Variants in SHC3 observed in about 807,000 individuals in gnomAD.
The protein encoded by SHC3 is SHC adaptor protein 3.
SHC3 carries 15 observed loss-of-function variants against 60.4 expected under a neutral mutation model. The observed-to-expected ratio is 0.25, with a 90% CI of 0.17 to 0.38. The LOEUF (loss-of-function observed/expected upper bound fraction) is 0.38. Ranked by LOEUF, SHC3 falls within the 10% of genes least tolerant of loss-of-function variation. The probability of loss-of-function intolerance (pLI) is 1.00; values close to 1 mark genes in which losing one functional copy is unlikely to be tolerated. For missense variants in SHC3, 677 were observed against 786.1 expected (o/e 0.86, Z 1.66); for synonymous variants, 294 against 325.9 (o/e 0.90, Z 1.05).
intron 1 of SHC3, among the ~76,000 whole-genome samples, chr9:89,137,582 C>T (rs375615346): frequency 9.2e-5 from 14 of 152,172 alleles, no homozygotes; most frequent in African/African-American, 2.6e-4. Context: ...TAGCAAACTG[C>T]ACTATTATTA....
At chr9:89,035,138 C>T (rs1824550480) in intron 11 of SHC3, among the ~76,000 whole-genome samples, 2 of 152,190 alleles carry the variant, frequency 1.3e-5, no homozygotes, top group South Asian at 4.1e-4. Flanking sequence ...TTGCAACCTC[C>T]ACGATTGCGA....
At chr9:89,026,282 A>G (rs1587680874) in intron 11 of SHC3, among the ~76,000 whole-genome samples, 1 of 151,840 alleles carries the variant, frequency 6.6e-6, no homozygotes, top group Middle Eastern at 3.4e-3. Context: ...AAACAAGAAA[A>G]GAAAAAGAAA....
rs568814246 is a variant in SHC3 at position 89,033,393 on chromosome 9, G to T, written c.1656+4600C>A. Among the ~76,000 whole-genome samples, 5 of 151,966 alleles carry T rather than the reference G, an allele frequency of 3.3e-5. No homozygotes were observed. The South Asian group carries it at 1.0e-3, about 32-fold the overall frequency. On this transcript the variant is annotated intron_variant, in intron 11 of 11. Coordinates refer to ENST00000375835, the MANE Select transcript of SHC3 (RefSeq NM_016848.6). ...GAACTGAAATATTTATATTCTCATA[G>T]AATTGCTTGGGTATCTTCTCCCCTA...
chr9:89,018,814 G>T (rs1458347151), intron 11 of SHC3, among the ~76,000 whole-genome samples: 2 of 151,124 alleles, frequency 1.3e-5, no homozygotes, highest in Non-Finnish European at 2.9e-5. Flanking sequence ...CCAGCACTTT[G>T]GGAGGCCAAG....
At chr9:89,150,869 T>C (rs1417144930) in intron 1 of SHC3, among the ~76,000 whole-genome samples, 1 of 152,190 alleles carries the variant, frequency 6.6e-6, no homozygotes, top group Non-Finnish European at 1.5e-5. Context: ...CCACCAATAA[T>C]TGTTATTGTC....
At chr9:89,092,433 C>T (rs1028272603) in intron 2 of SHC3, among the ~76,000 whole-genome samples, 6 of 151,918 alleles carry the variant, frequency 3.9e-5, no homozygotes, top group Admixed American at 6.6e-5. Flanking sequence ...CTGGCTAACA[C>T]GGTGAAACCC....
intron 1 of SHC3, among the ~76,000 whole-genome samples, chr9:89,123,469 C>T (rs1826119977): frequency 6.6e-6 from 1 of 152,044 alleles, no homozygotes; most frequent in African/African-American, 2.4e-5. Context: ...GCAGTGAGAC[C>T]AGCCAGCCCT....
chr9:89,113,501 A>G (rs12347802), intron 1 of SHC3, among the ~76,000 whole-genome samples: 3,906 of 152,258 alleles, frequency 0.026, 75 homozygotes, highest in Middle Eastern at 0.068. Flanking sequence ...AAAAAGAAAA[A>G]AAGAAAAAAC....
chr9:89,094,743 G>A (rs1404801780), intron 2 of SHC3, among the ~76,000 whole-genome samples: 1 of 152,142 alleles, frequency 6.6e-6, no homozygotes, highest in Admixed American at 6.5e-5. Flanking sequence ...AAGATGGTGA[G>A]GTCAGTTTGG....
intron 1 of SHC3, among the ~76,000 whole-genome samples, chr9:89,142,556 G>A (rs536521202): frequency 3.7e-4 from 56 of 151,964 alleles, no homozygotes; most frequent in African/African-American, 1.4e-3. Flanking sequence ...GGTGGTGGGT[G>A]CCTGTAATCC....
At chr9:89,042,850 C>T (rs1385720100) in intron 9 of SHC3, among the ~76,000 whole-genome samples, 3 of 151,984 alleles carry the variant, frequency 2.0e-5, no homozygotes, top group Non-Finnish European at 4.4e-5. Flanking sequence ...GTCACCGAGA[C>T]CTAGTGTGAA....
intron 2 of SHC3, among the ~76,000 whole-genome samples, chr9:89,107,651 A>C (rs1825883170): frequency 6.6e-6 from 1 of 152,194 alleles, no homozygotes; most frequent in Non-Finnish European, 1.5e-5. Context: ...TAGAATAAGC[A>C]CATTTAGTAA....
chr9:89,059,205 AC>A (rs1437299058), intron 6 of SHC3, among the ~76,000 whole-genome samples: 2 of 121,840 alleles, frequency 1.6e-5, no homozygotes, highest in Admixed American at 1.7e-4. Flanking sequence ...GTGGTGGAGG[AC>A]GGTGGTGGAG....
chr9:89,052,347 A>C (rs1824875771), intron 6 of SHC3, among the ~76,000 whole-genome samples, 184 bp from the exon 7 acceptor site: 1 of 152,220 alleles, frequency 6.6e-6, no homozygotes, highest in Admixed American at 6.5e-5. Flanking sequence ...AACATCTCAC[A>C]ATAGGCATGC....
At chr9:89,059,131 GGTGGTGGAGGAT>G (rs1168116927) in intron 6 of SHC3, among the ~76,000 whole-genome samples, 20 of 137,278 alleles carry the variant, frequency 1.5e-4, no homozygotes, top group African/African-American at 5.2e-4. Flanking sequence ...GGTGGAGGAC[GGTGGTGGAGGAT>G]GTGGTGGAGG....
chr9:89,020,592 G>C (rs1055261259), intron 11 of SHC3, among the ~76,000 whole-genome samples: 5 of 152,170 alleles, frequency 3.3e-5, no homozygotes, highest in African/African-American at 1.2e-4. Context: ...ACCAGCAACA[G>C]AATGAGACAG....
chr9:89,124,865 AT>A (rs1234285927), intron 1 of SHC3, among the ~76,000 whole-genome samples: 2 of 152,050 alleles, frequency 1.3e-5, no homozygotes, highest in African/African-American at 4.8e-5. Flanking sequence ...AAAAAAAAAA[AT>A]AAGAAATCTG....
chr9:89,133,021 G>T (rs954253723), intron 1 of SHC3, among the ~76,000 whole-genome samples: 65 of 152,066 alleles, frequency 4.3e-4, no homozygotes, highest in Non-Finnish European at 8.8e-4. Flanking sequence ...CTGACAAAGG[G>T]CTAATATCCA....
rs2118615539 is a variant in SHC3 at position 89,006,358 on chromosome 9, A to G, written c.*7089T>C. On this transcript the variant is annotated 3_prime_UTR_variant, in exon 12 of 12. Transcript: ENST00000375835. The stretch of plus-strand genomic sequence containing the variant: ...CACCTGCTGTATTCTCAAATCTCCA[A>G]AACACCAGATAACTTAGGTTTTTTC... The G allele has an allele frequency of 6.6e-6, 1 of 152,354 alleles. No homozygotes were observed. Among genetic ancestry groups the G allele is most frequent in the Non-Finnish European group, 1.5e-5 (1 of 68,040 alleles). 9.4% of individuals were successfully genotyped at this position (152,354 alleles called of 1,614,324 possible).
Sources: gnomAD v4.1 joint callset for allele counts (sites outside exome capture counted in the v4.1 genomes callset) on GRCh38, gnomAD v4.1.1 for gene constraint, MANE v1.5 for transcripts, NCBI Gene and HGNC (gene_info 2026-07-23, HGNC 2026-07-21) for gene names.